SEMA3E: variants seen among roughly 807,000 people sequenced by gnomAD.
SEMA3E encodes the protein semaphorin 3E, also known as semaphorin-3E.
SEMA3E carries 49 observed loss-of-function variants against 93.6 expected under a neutral mutation model. The ratio of observed to expected loss-of-function variants is 0.52; its 90% CI spans 0.42 to 0.66. The LOEUF (loss-of-function observed/expected upper bound fraction) is 0.66, where lower values mean the gene tolerates loss of function less well. SEMA3E is among the 30% of genes least tolerant of loss of function. SEMA3E has a pLI of 0.00. For synonymous variants in SEMA3E, 363 were observed against 330.7 expected (o/e 1.10, Z -1.06); for missense variants, 906 against 964.8 (o/e 0.94, Z 0.81).
chr7:83,616,939 G>T (rs867639113), intron 1 of SEMA3E, among the ~76,000 whole-genome samples: 1 of 152,084 alleles, frequency 6.6e-6, no homozygotes, highest in South Asian at 2.1e-4. Flanking sequence ...TGGCCAGGCT[G>T]GTCTCGAACT....
chr7:83,476,780 T>G (rs1049579761), intron 2 of SEMA3E, among the ~76,000 whole-genome samples: 9 of 152,184 alleles, frequency 5.9e-5, no homozygotes, highest in African/African-American at 2.2e-4. Flanking sequence ...AAAATTAAGC[T>G]ATTTGTTCTG....
intron 1 of SEMA3E, among the ~76,000 whole-genome samples, chr7:83,506,664 A>G (rs1347193186): frequency 6.6e-6 from 1 of 152,184 alleles, no homozygotes; most frequent in African/African-American, 2.4e-5. Context: ...CTAAAATTAG[A>G]AGAACTGAAA....
intron 1 of SEMA3E, among the ~76,000 whole-genome samples, chr7:83,567,462 T>C (rs1220770380): frequency 6.6e-6 from 1 of 152,126 alleles, no homozygotes; most frequent in Non-Finnish European, 1.5e-5. Flanking sequence ...ACATTCTTCC[T>C]ATCAGCACAT....
At chr7:83,388,519 G>A (rs1787929746) in intron 14 of SEMA3E, among the ~76,000 whole-genome samples, 1 of 151,850 alleles carries the variant, frequency 6.6e-6, no homozygotes, top group Admixed American at 6.6e-5. Flanking sequence ...CATAAAGGTA[G>A]AAAATACCAC....
At chr7:83,612,401 A>T (rs1793284484) in intron 1 of SEMA3E, among the ~76,000 whole-genome samples, 1 of 152,100 alleles carries the variant, frequency 6.6e-6, no homozygotes, top group East Asian at 1.9e-4. Flanking sequence ...TATGGCAGGC[A>T]CTGTGATAGA....
intron 1 of SEMA3E, among the ~76,000 whole-genome samples, chr7:83,504,089 A>T (rs1012994438): frequency 1.2e-4 from 19 of 152,192 alleles, no homozygotes; most frequent in Admixed American, 3.9e-4. Context: ...GGAGTTTGCA[A>T]TCTGACATCT....
intron 4 of SEMA3E, among the ~76,000 whole-genome samples, chr7:83,456,619 TTTA>T (rs913942359): frequency 8.9e-3 from 67 of 7,570 alleles, no homozygotes; most frequent in East Asian, 0.5. Context: ...TATTTATTTA[TTTA>T]TTATTTTTGA....
At chr7:83,455,572 C>T (rs573219106) in intron 4 of SEMA3E, among the ~76,000 whole-genome samples, 5 of 152,274 alleles carry the variant, frequency 3.3e-5, no homozygotes, top group East Asian at 1.9e-4. Context: ...TATAGCTGTA[C>T]GACACGATCC....
At chr7:83,393,303 G>A (rs1277817215) in intron 13 of SEMA3E, among the ~76,000 whole-genome samples, 5 of 151,880 alleles carry the variant, frequency 3.3e-5, no homozygotes, top group African/African-American at 7.3e-5. Flanking sequence ...GGAGGCTAAG[G>A]CAGGTAAATT....
intron 1 of SEMA3E, among the ~76,000 whole-genome samples, chr7:83,506,954 T>C (rs1021218795): frequency 2.0e-5 from 3 of 152,218 alleles, no homozygotes; most frequent in African/African-American, 7.2e-5. Flanking sequence ...ACTGAAGTTG[T>C]GTCACAAAAT....
chr7:83,434,949 G>A (rs920134881), intron 4 of SEMA3E, among the ~76,000 whole-genome samples: 1 of 151,686 alleles, frequency 6.6e-6, no homozygotes, highest in South Asian at 2.1e-4. Context: ...TCCTGACCTC[G>A]TGATCCGCCC....
At chr7:83,586,511 AAGAGAGTAAT>A (rs1447582763) in intron 1 of SEMA3E, among the ~76,000 whole-genome samples, 1 of 151,886 alleles carries the variant, frequency 6.6e-6, no homozygotes, top group Non-Finnish European at 1.5e-5. Flanking sequence ...TGGGACTGCC[AAGAGAGTAAT>A]AAAGTTTGGA....
intron 4 of SEMA3E, among the ~76,000 whole-genome samples, chr7:83,422,126 G>A (rs564098194): frequency 1.3e-5 from 2 of 152,308 alleles, no homozygotes; most frequent in East Asian, 3.9e-4. Flanking sequence ...ATGGTGAGCT[G>A]AGATCGTGCC....
At chr7:83,638,536 C>T (rs977935082) in intron 1 of SEMA3E, among the ~76,000 whole-genome samples, 1 of 152,054 alleles carries the variant, frequency 6.6e-6, no homozygotes, top group South Asian at 2.1e-4. Context: ...AAATTATGTG[C>T]TAAATTGTCA....
At chr7:83,408,887 G>T (rs2245114) in intron 5 of SEMA3E, among the ~76,000 whole-genome samples, 77,128 of 152,028 alleles carry the variant, frequency 0.51, 22,440 homozygotes, top group East Asian at 0.85. Context: ...TTATCATTAT[G>T]ATTGTTATTG....
chr7:83,489,451 TC>T (rs1790334727), intron 2 of SEMA3E, among the ~76,000 whole-genome samples: 1 of 149,426 alleles, frequency 6.7e-6, no homozygotes, highest in African/African-American at 2.5e-5. Flanking sequence ...AACATAAAAA[TC>T]AATTATAAAG....
rs1788325281 is a variant in SEMA3E at position 83,406,147 on chromosome 7, A to G, written c.814-88T>C. ...TATTATTAAACATGCAGTTGCCAAG[A>G]GTTATGACTTTTTTATTTAACTAGG... is the stretch of plus-strand genomic sequence containing the variant. On this transcript the variant is annotated intron_variant, in intron 7 of 16. Transcript: ENST00000643230. 4.2e-6 allele frequency: 4 copies of G among 948,268 alleles called. No individual in the cohort carries two copies. In the South Asian group the frequency reaches 5.2e-5, roughly 12 times the overall value. The allele number at this position is 948,268 out of a possible 1,614,324, so 58.7% of individuals were successfully genotyped here. A position where few individuals can be genotyped will look rare whatever the true frequency, so the allele number is the denominator to read the frequency against.
intron 4 of SEMA3E, among the ~76,000 whole-genome samples, chr7:83,436,806 A>G (rs1403953156): frequency 6.6e-6 from 1 of 152,206 alleles, no homozygotes; most frequent in Non-Finnish European, 1.5e-5. Flanking sequence ...ATATGGTATA[A>G]GAATGTATAT....
intron 9 of SEMA3E, among the ~76,000 whole-genome samples, chr7:83,404,217 G>A (rs950692743): frequency 3.9e-5 from 6 of 151,916 alleles, no homozygotes; most frequent in African/African-American, 1.4e-4. Flanking sequence ...AGGAATAATT[G>A]ATAGACAAAT....
Sources: allele counts gnomAD v4.1 joint callset (sites outside exome capture counted in the v4.1 genomes callset), GRCh38; gene constraint gnomAD v4.1.1; transcripts MANE v1.5; gene names NCBI Gene and HGNC (gene_info 2026-07-23, HGNC 2026-07-21).